Variants in NEMP2 observed in about 807,000 individuals in gnomAD.
The protein encoded by NEMP2 is nuclear envelope integral membrane protein 2, also known as UPF0571 transmembrane protein.
A neutral mutation model predicts 54.2 loss-of-function variants in NEMP2; 53 were observed. The ratio of observed to expected loss-of-function variants is 0.98; its 90% CI spans 0.78 to 1.23. The LOEUF is 1.23. Among genes scored for constraint, NEMP2 ranks in the 50% most tolerant of loss-of-function variants. The probability of loss-of-function intolerance (pLI) is 0.00; values close to 1 mark genes in which losing one functional copy is unlikely to be tolerated. For synonymous variants in NEMP2, 197 were observed against 190.3 expected, an observed-to-expected ratio of 1.04 and a Z score of -0.29; for missense variants, 455 against 511.3, an observed-to-expected ratio of 0.89 and a Z score of 1.06.
At chr2:190,489,556 G>A in the NEMP2 span, among the ~76,000 whole-genome samples, 4 of 152,124 alleles carry the variant, frequency 2.6e-5, no homozygotes, top group East Asian at 3.8e-4. The surrounding 1 kb of genome is among the most constrained non-coding windows in gnomAD (Gnocchi z 6.6). Context: ...TTTTATAATC[G>A]ATCAATGACA....
the NEMP2 span, among the ~76,000 whole-genome samples, chr2:190,462,120 T>C: frequency 3.3e-5 from 5 of 152,180 alleles, no homozygotes; most frequent in East Asian, 9.6e-4. This position sits in a 1 kb window ranked among gnomAD's most constrained non-coding sequence, Gnocchi z 5.7. Flanking sequence ...TTGCTGTCTG[T>C]CTCCTTCTTG....
Position 190,509,359 on chromosome 2 carries a change from G to T in NEMP2, c.1131-47C>A, listed in dbSNP as rs781243169. On this transcript the variant is annotated intron_variant, in intron 8 of 8. Coordinates refer to ENST00000409150, the MANE Select transcript of NEMP2 (RefSeq NM_001142645.2). The surrounding 1 kb of genome is among the most constrained non-coding windows in gnomAD (Gnocchi z 6.1). ...ATAAAGTTAATGTTATCTCAGGAAG[G>T]TTTATTTGAAAGATAACATGTTCCC... The T allele has an allele frequency of 1.9e-6, 3 of 1,538,658 alleles. No individual in the cohort carries two copies. The highest frequency in any genetic ancestry group is 2.4e-5 in the South Asian group (2 of 83,648).
chr2:190,431,689 C>G, the NEMP2 span, among the ~76,000 whole-genome samples: 1 of 142,078 alleles, frequency 7.0e-6, no homozygotes, highest in Non-Finnish European at 1.6e-5. The surrounding 1 kb of genome is among the most constrained non-coding windows in gnomAD (Gnocchi z 4.4). Flanking sequence ...TCAGGGAGAC[C>G]GTGGAAAGAG....
At chr2:190,511,153 CTTGTT>C (rs748304640) in intron 7 of NEMP2, among the ~76,000 whole-genome samples, 2 of 151,884 alleles carry the variant, frequency 1.3e-5, no homozygotes, top group South Asian at 2.1e-4. Flanking sequence ...CAATTAAAAG[CTTGTT>C]TTGTTTTGTT....
the NEMP2 span, among the ~76,000 whole-genome samples, chr2:190,471,288 G>A: frequency 3.9e-3 from 596 of 152,308 alleles, 4 homozygotes; most frequent in African/African-American, 0.014. This position sits in a 1 kb window ranked among gnomAD's most constrained non-coding sequence, Gnocchi z 4.7. Context: ...GAAGCAGGGC[G>A]AGGCATCACC....
chr2:190,582,687 ACT>A, the NEMP2 span, among the ~76,000 whole-genome samples: 7 of 152,128 alleles, frequency 4.6e-5, no homozygotes, highest in African/African-American at 1.4e-4. The surrounding 1 kb of genome is among the most constrained non-coding windows in gnomAD (Gnocchi z 4.6). Context: ...AGAGCATCAG[ACT>A]CTGTACGAGC....
the NEMP2 span, chr2:190,497,319 A>AC: frequency 4.6e-6 from 5 of 1,088,866 alleles, no homozygotes; most frequent in African/African-American, 8.0e-5. The surrounding 1 kb of genome is among the most constrained non-coding windows in gnomAD (Gnocchi z 5.2). Flanking sequence ...GCAATTTATT[A>AC]ATATTATCAA....
At chr2:190,646,576 T>TC in the NEMP2 span, among the ~76,000 whole-genome samples, 1 of 152,200 alleles carries the variant, frequency 6.6e-6, no homozygotes, top group Non-Finnish European at 1.5e-5. Context: ...TCCCACCACT[T>TC]CCCCCAGCAC....
chr2:190,564,209 A>G, the NEMP2 span, among the ~76,000 whole-genome samples: 2 of 152,248 alleles, frequency 1.3e-5, no homozygotes, highest in South Asian at 2.1e-4. The surrounding 1 kb of genome is among the most constrained non-coding windows in gnomAD (Gnocchi z 4.2). Context: ...GATTTTAAGA[A>G]GTGGACTACT....
chr2:190,532,275 A>T (rs1691170738), intron 1 of NEMP2, among the ~76,000 whole-genome samples: 2 of 152,202 alleles, frequency 1.3e-5, no homozygotes, highest in African/African-American at 4.8e-5. Flanking sequence ...GTTTTTTTTA[A>T]CCTGAATATT....
the NEMP2 span, among the ~76,000 whole-genome samples, chr2:190,422,228 T>A: frequency 6.6e-6 from 1 of 152,232 alleles, no homozygotes; most frequent in Non-Finnish European, 1.5e-5. Context: ...TCAGGTGTAT[T>A]GGTATTCTAC....
chr2:190,497,520 CAGA>C, the NEMP2 span: 9 of 1,614,178 alleles, frequency 5.6e-6, no homozygotes, highest in Middle Eastern at 1.6e-4. This position sits in a 1 kb window ranked among gnomAD's most constrained non-coding sequence, Gnocchi z 5.2. Flanking sequence ...CAGCAACAGA[CAGA>C]AGATGTCATG....
the NEMP2 span, among the ~76,000 whole-genome samples, chr2:190,482,873 T>TG: frequency 4.6e-5 from 1 of 21,892 alleles, no homozygotes; most frequent in Non-Finnish European, 1.2e-4. Context: ...ATCATCTTTT[T>TG]TTTTTTTTTT....
At chr2:190,456,552 T>A in the NEMP2 span, among the ~76,000 whole-genome samples, 1 of 152,134 alleles carries the variant, frequency 6.6e-6, no homozygotes, top group African/African-American at 2.4e-5. This position sits in a 1 kb window ranked among gnomAD's most constrained non-coding sequence, Gnocchi z 5.4. Flanking sequence ...GCAGGGCTGA[T>A]GGCATGGCCT....
the NEMP2 span, among the ~76,000 whole-genome samples, chr2:190,475,983 T>G: frequency 1.3e-5 from 2 of 152,148 alleles, no homozygotes; most frequent in East Asian, 3.9e-4. Flanking sequence ...ATTTAATAAA[T>G]GGTGCTGAGA....
At chr2:190,540,838 G>T in the NEMP2 span, among the ~76,000 whole-genome samples, 8 of 152,122 alleles carry the variant, frequency 5.3e-5, no homozygotes, top group African/African-American at 1.9e-4. Flanking sequence ...GTAGAATTCA[G>T]CAGTGAATCC....
chr2:190,435,663 G>A, the NEMP2 span, among the ~76,000 whole-genome samples: 1 of 152,152 alleles, frequency 6.6e-6, no homozygotes, highest in Admixed American at 6.5e-5. Context: ...AACTCTCTGT[G>A]TTTGGTTTAG....
the NEMP2 span, among the ~76,000 whole-genome samples, chr2:190,471,840 C>A: frequency 2.6e-5 from 4 of 152,338 alleles, no homozygotes; most frequent in South Asian, 4.1e-4. This position sits in a 1 kb window ranked among gnomAD's most constrained non-coding sequence, Gnocchi z 4.7. Flanking sequence ...AGGCACCCCC[C>A]AGTAGGGGCA....
At chr2:190,435,683 C>G in the NEMP2 span, among the ~76,000 whole-genome samples, 3 of 152,120 alleles carry the variant, frequency 2.0e-5, no homozygotes, top group Non-Finnish European at 4.4e-5. Context: ...GACATAATCC[C>G]TATTATTTGT....
Sources: gnomAD v4.1 joint callset for allele counts (sites outside exome capture counted in the v4.1 genomes callset) on GRCh38, gnomAD v4.1.1 for gene constraint, Gnocchi (gnomAD v3.1) non-coding constraint, MANE v1.5 for transcripts, NCBI Gene and HGNC (gene_info 2026-07-23, HGNC 2026-07-21) for gene names.